The following TRPC5 variants were observed in gnomAD, a reference collection of about 807,000 sequenced individuals.
TRPC5 encodes the protein transient receptor potential cation channel subfamily C member 5, also known as short transient receptor potential channel 5.
Under a neutral mutation model 56.5 loss-of-function variants are expected in TRPC5, and 9 were observed. The observed-to-expected ratio is 0.16, with a 90% confidence interval of 0.10 to 0.28. The LOEUF is 0.28. Ranked by LOEUF, TRPC5 falls within the 10% of genes least tolerant of loss-of-function variation. The pLI is 1.00. For missense variants in TRPC5, 469 were observed against 748.9 expected (o/e 0.63, Z 4.36); for synonymous variants, 282 against 278.5 (o/e 1.01, Z -0.13).
At chrX:112,030,855 G>T (rs941821022) in intron 1 of TRPC5, among the ~76,000 whole-genome samples, 3 of 111,804 alleles carry the variant, frequency 2.7e-5, no homozygotes, top group African/African-American at 9.8e-5. Context: ...AAAATAACTA[G>T]TGTTGAGTAC....
chrX:111,941,479 G>A (rs758050867), intron 2 of TRPC5, among the ~76,000 whole-genome samples: 3 of 112,185 alleles, frequency 2.7e-5, no homozygotes, highest in Non-Finnish European at 3.8e-5. Flanking sequence ...TTGTGGTGGT[G>A]TGGCTTTGCT....
At chrX:112,038,612 G>T (rs1457238283) in intron 1 of TRPC5, among the ~76,000 whole-genome samples, 1 of 112,018 alleles carries the variant, frequency 8.9e-6, no homozygotes, top group Non-Finnish European at 1.9e-5. Context: ...TTCAAACTTG[G>T]TTAAAATTAT....
intron 6 of TRPC5, among the ~76,000 whole-genome samples, chrX:111,838,670 G>T (rs1353413773): frequency 8.9e-6 from 1 of 111,987 alleles, no homozygotes; most frequent in Non-Finnish European, 1.9e-5. Flanking sequence ...ATAGACTGAA[G>T]ATACAAAGAT....
intron 7 of TRPC5, among the ~76,000 whole-genome samples, chrX:111,826,925 A>G (rs1215589186): frequency 2.7e-5 from 3 of 111,464 alleles, no homozygotes; most frequent in Non-Finnish European, 3.8e-5. Context: ...CAGAGTTGTG[A>G]TAAGATAAGG....
chrX:111,976,279 C>A (rs756791239), intron 1 of TRPC5, among the ~76,000 whole-genome samples: 1 of 109,823 alleles, frequency 9.1e-6, no homozygotes, highest in African/African-American at 3.3e-5. Flanking sequence ...AAAAATTACC[C>A]AGGTGTGGTG....
intron 3 of TRPC5, among the ~76,000 whole-genome samples, chrX:111,892,186 G>A (rs1478382422): frequency 8.9e-6 from 1 of 112,319 alleles, no homozygotes; most frequent in Non-Finnish European, 1.9e-5. Flanking sequence ...TATTCCTGAA[G>A]TTAGGGACTA....
intron 1 of TRPC5, among the ~76,000 whole-genome samples, chrX:111,958,771 A>G (rs1791208497): frequency 1.8e-5 from 2 of 112,450 alleles, no homozygotes; most frequent in African/African-American, 6.5e-5. Context: ...ACTACAATCA[A>G]ACTGTCAAAA....
intron 3 of TRPC5, among the ~76,000 whole-genome samples, chrX:111,855,940 G>A (rs1923214473): frequency 8.9e-6 from 1 of 112,243 alleles, no homozygotes; most frequent in Admixed American, 9.4e-5. Context: ...GGGAACACAA[G>A]GGAGGGACAA....
At chrX:111,908,781 T>C (rs1411212322) in intron 3 of TRPC5, among the ~76,000 whole-genome samples, 2 of 112,272 alleles carry the variant, frequency 1.8e-5, no homozygotes, top group Non-Finnish European at 3.8e-5. Flanking sequence ...TTGAAATTAC[T>C]GCTGAATATC....
intron 2 of TRPC5, among the ~76,000 whole-genome samples, chrX:111,942,093 A>T (rs1926796382): frequency 8.9e-6 from 1 of 111,861 alleles, no homozygotes; most frequent in Admixed American, 9.4e-5. Flanking sequence ...CTCCACAGGG[A>T]ATTCACCAGT....
intron 1 of TRPC5, among the ~76,000 whole-genome samples, chrX:111,983,255 G>A (rs1400452356): frequency 9.0e-6 from 1 of 111,645 alleles, no homozygotes; most frequent in Admixed American, 9.5e-5. Flanking sequence ...AGTGACTGTA[G>A]CCAGGTACGC....
intron 3 of TRPC5, among the ~76,000 whole-genome samples, chrX:111,872,896 C>T (rs1186044440): frequency 8.9e-6 from 1 of 112,125 alleles, no homozygotes; most frequent in African/African-American, 3.2e-5. Context: ...AGTGAAGACA[C>T]ACACTATTGG....
At chrX:111,977,693 A>T (rs1014398385) in intron 1 of TRPC5, among the ~76,000 whole-genome samples, 30 of 112,114 alleles carry the variant, frequency 2.7e-4, no homozygotes, top group Non-Finnish European at 9.4e-5. Context: ...ACAGAATGGG[A>T]AAAAGTATTG....
chrX:111,960,421 G>A (rs182306642), intron 1 of TRPC5, among the ~76,000 whole-genome samples: 96 of 112,175 alleles, frequency 8.6e-4, no homozygotes, highest in African/African-American at 2.8e-3. Flanking sequence ...TATTTTCACT[G>A]AGGTGAAGAC....
chrX:111,859,753 C>G (rs1923340181), intron 3 of TRPC5, among the ~76,000 whole-genome samples: 1 of 111,761 alleles, frequency 8.9e-6, no homozygotes, highest in African/African-American at 3.3e-5. Context: ...AGTTTGATTC[C>G]TTAAAGGAGA....
intron 1 of TRPC5, among the ~76,000 whole-genome samples, chrX:112,010,412 G>A (rs1928961125): frequency 8.9e-6 from 1 of 111,736 alleles, no homozygotes; most frequent in Admixed American, 9.5e-5. Flanking sequence ...ACAGGGATAT[G>A]TTCTGAGAAA....
In TRPC5 at chrX:111,952,372, G is replaced by A. The variant is rs199916064; in HGVS notation, c.49C>T (p.Arg17Cys). 6.2e-5 allele frequency: 75 copies of A among 1,209,798 alleles called. No homozygotes were observed. The highest frequency in any genetic ancestry group is 7.4e-5 in the Non-Finnish European group (66 of 895,144). The stretch of plus-strand genomic sequence containing the variant: ...GCCCTCACAATTTGCAGGGGGATGC[G>A]GTCTCTGTACGGTGAGTAGTTGACC... ...KKVNYSPYRD[R>C]IPLQIVRAET... The change falls in exon 2 of 11, where the codon CGC becomes TGC. Residue 17 changes from arginine (R) to cysteine (C), a missense_variant. Arg to Cys is a radical substitution (Grantham distance 180). Around this residue, in one of 3 missense-constraint regions of TRPC5, gnomAD observed 118 missense variants for 167.1 expected, o/e 0.71. Transcript: ENST00000262839.
chrX:111,851,853 A>G (rs1923094269), intron 5 of TRPC5, among the ~76,000 whole-genome samples: 1 of 111,785 alleles, frequency 8.9e-6, no homozygotes, highest in Admixed American at 9.5e-5. Context: ...GGGAGGAAGA[A>G]TTACTAATGA....
intron 1 of TRPC5, among the ~76,000 whole-genome samples, chrX:111,964,435 C>G (rs1404875154): frequency 8.9e-6 from 1 of 111,911 alleles, no homozygotes; most frequent in Non-Finnish European, 1.9e-5. Context: ...CCCAATCTAG[C>G]AAGGCAGGCC....
Sources: gnomAD v4.1 joint callset for allele counts (sites outside exome capture counted in the v4.1 genomes callset) on GRCh38, gnomAD v4.1.1 for gene constraint, gnomAD v4.1.1 regional missense constraint, MANE v1.5 for transcripts, NCBI Gene and HGNC (gene_info 2026-07-23, HGNC 2026-07-21) for gene names.